Variants in DYNC1I1 observed in about 807,000 individuals in gnomAD.
DYNC1I1 encodes cytoplasmic dynein 1 intermediate chain 1.
A neutral mutation model predicts 86.6 loss-of-function variants in DYNC1I1; 43 were observed. That is an observed-to-expected ratio of 0.50 (90% CI 0.39 to 0.64). DYNC1I1 has a LOEUF of 0.64. Among genes scored for constraint, DYNC1I1 ranks in the 30% least tolerant of loss-of-function variants. DYNC1I1 has a pLI of 0.00. For missense variants in DYNC1I1, 604 were observed against 788.8 expected (o/e 0.77, Z 2.81); for synonymous variants, 262 against 283.7 (o/e 0.92, Z 0.77).
intron 8 of DYNC1I1, among the ~76,000 whole-genome samples, chr7:95,986,023 CGTGTGTGTGTGTGTGT>C (rs3138829): frequency 3.8e-5 from 5 of 132,736 alleles, no homozygotes; most frequent in South Asian, 2.7e-4. Context: ...CCTGGCAGGA[CGTGTGTGTGTGTGTGT>C]GTGTGTGTGT....
chr7:95,858,917 A>G (rs1230716518), intron 5 of DYNC1I1, among the ~76,000 whole-genome samples: 1 of 145,998 alleles, frequency 6.8e-6, no homozygotes, highest in Non-Finnish European at 1.5e-5. Context: ...TTTTAATAAT[A>G]TATTTATTAT....
rs370781246 is a variant in DYNC1I1 at position 95,984,988 on chromosome 7, T to C, written c.743+11T>C. ...AGAGGAAAAAGATGGGTTAGTCTCT[T>C]GTGTGCATTCTTTAAAAAATAGCGT... On this transcript the variant is annotated intron_variant, in intron 8 of 16. Transcript: ENST00000447467. The C allele has an allele frequency of 1.2e-6, 2 of 1,608,016 alleles. No homozygotes were observed. The highest frequency in any genetic ancestry group is 1.7e-6 in the Non-Finnish European group (2 of 1,178,452).
intron 10 of DYNC1I1, among the ~76,000 whole-genome samples, chr7:96,022,196 A>T (rs1462239293): frequency 6.6e-6 from 1 of 152,156 alleles, no homozygotes; most frequent in African/African-American, 2.4e-5. Flanking sequence ...AATTATAGCC[A>T]ACCTAGTGGA....
chr7:95,965,987 A>T (rs187395972), intron 6 of DYNC1I1, among the ~76,000 whole-genome samples: 1 of 152,272 alleles, frequency 6.6e-6, no homozygotes, highest in Admixed American at 6.5e-5. Flanking sequence ...GTGGTGAGCC[A>T]TGGCAGCTTC....
At chr7:96,038,301 A>C (rs560559103) in intron 13 of DYNC1I1, among the ~76,000 whole-genome samples, 1 of 152,196 alleles carries the variant, frequency 6.6e-6, no homozygotes, top group Admixed American at 6.5e-5. Context: ...CAATTCCTAC[A>C]TATTTGTCAT....
Position 95,890,860 on chromosome 7 carries a change from C to T in DYNC1I1, c.490+20862C>T, listed in dbSNP as rs542862568. Reference sequence around the variant, plus strand: ...TTGGTTTATTAAAATTCTTCCTGAACGTAGTTTATTAGAAAAAAATCTATG... The same window carrying T: ...TTGGTTTATTAAAATTCTTCCTGAATGTAGTTTATTAGAAAAAAATCTATG... On this transcript the variant is annotated intron_variant, in intron 6 of 16. Coordinates refer to ENST00000447467, the MANE Select transcript of DYNC1I1 (RefSeq NM_001135556.2). Among the ~76,000 whole-genome samples the T allele has an allele frequency of 5.3e-5, 8 of 152,180 alleles. No homozygotes were observed. In the South Asian group the frequency reaches 8.3e-4, roughly 16 times the overall value.
intron 1 of DYNC1I1, among the ~76,000 whole-genome samples, chr7:95,789,872 A>G (rs1562893442): frequency 6.6e-6 from 1 of 152,238 alleles, no homozygotes; most frequent in African/African-American, 2.4e-5. Flanking sequence ...TAATATGTGT[A>G]TGTAACAGTA....
chr7:95,981,764 A>G (rs533660266), intron 7 of DYNC1I1, among the ~76,000 whole-genome samples: 2 of 152,148 alleles, frequency 1.3e-5, no homozygotes, highest in Admixed American at 1.3e-4. Context: ...TGCTTAACCT[A>G]TAAGAAAAAC....
At chr7:95,883,876 C>G (rs1056164234) in intron 6 of DYNC1I1, among the ~76,000 whole-genome samples, 3 of 151,598 alleles carry the variant, frequency 2.0e-5, no homozygotes, top group African/African-American at 7.3e-5. Context: ...AAAGACGATT[C>G]TCAGCATCAG....
chr7:96,038,840 G>A (rs564225007), intron 13 of DYNC1I1, among the ~76,000 whole-genome samples: 1 of 152,238 alleles, frequency 6.6e-6, no homozygotes, highest in Non-Finnish European at 1.5e-5. Context: ...GATGGATGGA[G>A]TTTTATAGTC....
At chr7:95,792,224 CGTGCAGG>C (rs1562894541) in intron 1 of DYNC1I1, among the ~76,000 whole-genome samples, 2 of 152,126 alleles carry the variant, frequency 1.3e-5, no homozygotes, top group Admixed American at 1.3e-4. Flanking sequence ...AGCAGAACTA[CGTGCAGG>C]GTACTCTAAC....
At chr7:96,105,084 T>C (rs1791195281) in intron 16 of DYNC1I1, among the ~76,000 whole-genome samples, 1 of 152,058 alleles carries the variant, frequency 6.6e-6, no homozygotes, top group Non-Finnish European at 1.5e-5. Context: ...TTTTTTATGC[T>C]ATTGTAAATA....
chr7:96,099,844 C>T (rs983142138), downstream of DYNC1I1, among the ~76,000 whole-genome samples: 1 of 152,120 alleles, frequency 6.6e-6, no homozygotes, highest in African/African-American at 2.4e-5. Flanking sequence ...AGACATATAT[C>T]CTCCACCTAG....
chr7:95,798,690 G>A (rs767126494), intron 1 of DYNC1I1, among the ~76,000 whole-genome samples: 1 of 152,040 alleles, frequency 6.6e-6, no homozygotes, highest in African/African-American at 2.4e-5. Context: ...AATCCCAAAC[G>A]GCTGCCAACT....
At chr7:95,994,023 G>T (rs979820282) in intron 9 of DYNC1I1, among the ~76,000 whole-genome samples, 72 of 152,074 alleles carry the variant, frequency 4.7e-4, no homozygotes, top group African/African-American at 1.6e-3. Context: ...TAACACTCAG[G>T]ACAGAGTTTT....
chr7:96,105,001 G>A (rs1010622627), intron 16 of DYNC1I1, among the ~76,000 whole-genome samples: 7 of 151,666 alleles, frequency 4.6e-5, no homozygotes, highest in African/African-American at 1.7e-4. Flanking sequence ...TATTTATTGG[G>A]TCTTCTTTAA....
chr7:95,829,532 A>T (rs565795466), intron 5 of DYNC1I1, among the ~76,000 whole-genome samples: 4 of 152,248 alleles, frequency 2.6e-5, no homozygotes, highest in Middle Eastern at 3.4e-3. Flanking sequence ...ATATTGTGTT[A>T]AAAAAACAGG....
At position 95,836,374 on chromosome 7, in the gene DYNC1I1, G is replaced by A. The variant is rs1161605840; in HGVS notation, c.374+8258G>A. Among the ~76,000 whole-genome samples the A allele has an allele frequency of 3.7e-4, 56 of 151,856 alleles. 1 individual carries two copies. Among genetic ancestry groups the A allele is most frequent in the Admixed American group, 3.9e-4 (6 of 15,248 alleles). On this transcript the variant is annotated intron_variant, in intron 5 of 16. Coordinates refer to ENST00000447467, the MANE Select transcript of DYNC1I1 (RefSeq NM_001135556.2). The stretch of plus-strand genomic sequence containing the variant: ...ATGGGCTTCCCTTTGAGGGTAACCC[G>A]ACCTTTCTCTCTGGCTGCCCTTAAC...
At chr7:96,021,905 G>A (rs561490042) in intron 10 of DYNC1I1, among the ~76,000 whole-genome samples, 94 of 152,276 alleles carry the variant, frequency 6.2e-4, no homozygotes, top group African/African-American at 2.2e-3. Flanking sequence ...TCATTCCTCA[G>A]TTGAGGGACA....
Sources: gnomAD v4.1 joint callset for allele counts (sites outside exome capture counted in the v4.1 genomes callset) on GRCh38, gnomAD v4.1.1 for gene constraint, MANE v1.5 for transcripts, NCBI Gene and HGNC (gene_info 2026-07-23, HGNC 2026-07-21) for gene names.